The following NRG1 variants were observed in gnomAD, a reference collection of about 807,000 sequenced individuals.
NRG1 encodes pro-neuregulin-1, membrane-bound isoform.
Under a neutral mutation model 63.8 loss-of-function variants are expected in NRG1, and 18 were observed. That is an observed-to-expected ratio of 0.28 (90% CI 0.19 to 0.42). The LOEUF (loss-of-function observed/expected upper bound fraction) is 0.42. Ranked by LOEUF, NRG1 falls within the 10% of genes least tolerant of loss-of-function variation. NRG1 has a pLI of 1.00. For synonymous variants in NRG1, 302 were observed against 301.3 expected (o/e 1.00, Z -0.02); for missense variants, 762 against 814.7 (o/e 0.94, Z 0.79).
intron 1 of NRG1, among the ~76,000 whole-genome samples, chr8:31,955,031 A>G (rs577574608): frequency 2.6e-5 from 4 of 152,166 alleles, no homozygotes; most frequent in Admixed American, 2.6e-4. Flanking sequence ...AGGGAAAGAG[A>G]AAGAGAGTAA....
At chr8:32,589,355 T>G (rs1842144950) in intron 1 of NRG1, among the ~76,000 whole-genome samples, 1 of 152,194 alleles carries the variant, frequency 6.6e-6, no homozygotes, top group South Asian at 2.1e-4. Context: ...CAAAAGGACA[T>G]CCTGCATAGA....
At chr8:31,875,569 C>T (rs1008710777) in intron 1 of NRG1, among the ~76,000 whole-genome samples, 3 of 152,206 alleles carry the variant, frequency 2.0e-5, no homozygotes, top group South Asian at 2.1e-4. Flanking sequence ...ATCGAGGTGG[C>T]GGGCGATGCC....
rs1829405525 is a variant in NRG1 at position 32,093,020 on chromosome 8, A to G, written c.37+453589A>G. Among the ~76,000 whole-genome samples the G allele has an allele frequency of 3.9e-5, 6 of 152,242 alleles. No individual in the cohort carries two copies. In the South Asian group the frequency reaches 1.2e-3, roughly 31 times the overall value. ...TGAGGACAGGAATCTGTTTAACAAAAGGAAGGAGAATTTTAGTCTTTAAGG... is the reference window on the plus strand; with the variant it reads ...TGAGGACAGGAATCTGTTTAACAAAGGGAAGGAGAATTTTAGTCTTTAAGG... On this transcript the variant is annotated intron_variant, in intron 1 of 10. Transcript: ENST00000519301.
At chr8:32,076,254 T>C (rs1826529120) in intron 1 of NRG1, among the ~76,000 whole-genome samples, 2 of 152,332 alleles carry the variant, frequency 1.3e-5, no homozygotes, top group East Asian at 1.9e-4. Context: ...TTAGTAACAC[T>C]GATTAGAAAT....
intron 1 of NRG1, among the ~76,000 whole-genome samples, chr8:31,668,715 G>A (rs556027354): frequency 6.6e-6 from 1 of 152,294 alleles, no homozygotes; most frequent in Non-Finnish European, 1.5e-5. Context: ...TGAGTAGTAG[G>A]TATTGTGAAA....
intron 1 of NRG1, among the ~76,000 whole-genome samples, chr8:32,561,778 C>T (rs1376869278): frequency 6.9e-6 from 1 of 144,356 alleles, no homozygotes; most frequent in Non-Finnish European, 1.5e-5. Context: ...CCTCCTAGTC[C>T]ATTATTAAAT....
intron 1 of NRG1, among the ~76,000 whole-genome samples, chr8:31,809,345 T>C (rs1367521781): frequency 6.9e-6 from 1 of 145,372 alleles, no homozygotes; most frequent in Non-Finnish European, 1.5e-5. Context: ...CATATATATA[T>C]ATACACACAC....
chr8:32,440,510 T>C (rs1819397370), intron 1 of NRG1, among the ~76,000 whole-genome samples: 1 of 152,162 alleles, frequency 6.6e-6, no homozygotes, highest in African/African-American at 2.4e-5. Flanking sequence ...TCTGTGTCTT[T>C]AATTTGATCA....
intron 1 of NRG1, among the ~76,000 whole-genome samples, chr8:31,948,778 A>AT (rs373880030): frequency 0.9 from 137,349 of 152,104 alleles, 62,834 homozygotes; most frequent in African/African-American, 0.98. Context: ...GGCAGCCTGT[A>AT]GGTGATTCAT....
At chr8:31,848,571 G>A (rs1826908309) in intron 1 of NRG1, among the ~76,000 whole-genome samples, 1 of 152,202 alleles carries the variant, frequency 6.6e-6, no homozygotes, top group South Asian at 2.1e-4. Context: ...GCGAGCTGCA[G>A]GTGAGTGAGC....
chr8:31,673,635 T>G (rs188441164), intron 1 of NRG1, among the ~76,000 whole-genome samples: 75 of 152,282 alleles, frequency 4.9e-4, no homozygotes, highest in Admixed American at 1.4e-3. Context: ...CAGTGATGAT[T>G]ATATTCCCTG....
chr8:31,818,034 T>A (rs1823622767), intron 1 of NRG1, among the ~76,000 whole-genome samples: 1 of 152,234 alleles, frequency 6.6e-6, no homozygotes, highest in Non-Finnish European at 1.5e-5. Flanking sequence ...CTAATGATTT[T>A]GCTGTTGCTA....
chr8:31,892,830 T>G (rs1243229676), intron 1 of NRG1, among the ~76,000 whole-genome samples: 1 of 152,126 alleles, frequency 6.6e-6, no homozygotes, highest in Non-Finnish European at 1.5e-5. Context: ...ACGTATTTAC[T>G]TAATGTGATT....
At chr8:32,045,566 G>A (rs1820866648) in intron 1 of NRG1, among the ~76,000 whole-genome samples, 1 of 151,924 alleles carries the variant, frequency 6.6e-6, no homozygotes, top group Non-Finnish European at 1.5e-5. Context: ...TCAATTTTAA[G>A]AATTATTAAA....
intron 1 of NRG1, among the ~76,000 whole-genome samples, chr8:32,143,243 TG>T (rs201703389): frequency 2.6e-5 from 4 of 151,018 alleles, no homozygotes; most frequent in East Asian, 1.9e-4. Context: ...GCTTTTTTTT[TG>T]GGGGGGGAAG....
chr8:32,075,873 G>T (rs1381231822), intron 1 of NRG1, among the ~76,000 whole-genome samples: 3 of 152,162 alleles, frequency 2.0e-5, no homozygotes, highest in East Asian at 1.9e-4. Flanking sequence ...GGGTTTCGCC[G>T]TCTTGGCCAG....
chr8:32,069,064 C>A (rs1825340150), intron 1 of NRG1, among the ~76,000 whole-genome samples: 2 of 152,104 alleles, frequency 1.3e-5, no homozygotes, highest in African/African-American at 4.8e-5. Flanking sequence ...GGAAGGAAAG[C>A]AGAATGGCAG....
intron 1 of NRG1, among the ~76,000 whole-genome samples, chr8:32,168,111 G>A (rs948343464): frequency 1.1e-4 from 16 of 151,978 alleles, no homozygotes; most frequent in Non-Finnish European, 1.6e-4. Flanking sequence ...ATAATCTGAC[G>A]TGCAACTCAA....
chr8:32,619,466 T>TC (rs1328936363), intron 5 of NRG1, among the ~76,000 whole-genome samples: 6 of 152,168 alleles, frequency 3.9e-5, no homozygotes, highest in African/African-American at 1.4e-4. Context: ...ATGGAATCAC[T>TC]CTGGCTCCTG....
Sources: gnomAD v4.1 joint callset for allele counts (sites outside exome capture counted in the v4.1 genomes callset) on GRCh38, gnomAD v4.1.1 for gene constraint, MANE v1.5 for transcripts, NCBI Gene and HGNC (gene_info 2026-07-23, HGNC 2026-07-21) for gene names.